Variants in CMC1 observed in about 807,000 individuals in gnomAD.
CMC1 encodes C-X9-C motif containing 1, also known as COX assembly mitochondrial protein homolog.
A neutral mutation model predicts 14.1 loss-of-function variants in CMC1; 14 were observed. That is an observed-to-expected ratio of 0.99 (90% CI 0.66 to 1.55). CMC1 has a LOEUF of 1.55. Among genes scored for constraint, CMC1 ranks in the 40% most tolerant of loss-of-function variants. CMC1 has a pLI of 0.00. For missense variants in CMC1, 127 were observed against 123.8 expected (o/e 1.03, Z -0.12); for synonymous variants, 50 against 38.4 (o/e 1.30, Z -1.12).
intron 2 of CMC1, among the ~76,000 whole-genome samples, chr3:28,302,402 T>A (rs1453731758): frequency 1.3e-5 from 2 of 152,120 alleles, no homozygotes; most frequent in Admixed American, 1.3e-4. Flanking sequence ...CATTGGAGAC[T>A]ATGTGGGACA....
chr3:28,297,947 C>CA (rs1484358395), intron 2 of CMC1, among the ~76,000 whole-genome samples: 2 of 151,672 alleles, frequency 1.3e-5, no homozygotes, highest in Non-Finnish European at 2.9e-5. Context: ...CATTTATATG[C>CA]AAAAACATAT....
chr3:28,294,248 C>G (rs1453446658), intron 2 of CMC1, among the ~76,000 whole-genome samples: 1 of 151,960 alleles, frequency 6.6e-6, no homozygotes, highest in Non-Finnish European at 1.5e-5. Flanking sequence ...GTCAGGAGAA[C>G]CTTACTCAGT....
At chr3:28,241,888 C>T in intron 1 of CMC1, 76 bp downstream of exon 1, 1 of 1,216,562 alleles carries the variant, frequency 8.2e-7, no homozygotes, top group Non-Finnish European at 1.0e-6. Flanking sequence ...GGGCTGGATG[C>T]CGACCTGGGA....
intron 2 of CMC1, among the ~76,000 whole-genome samples, chr3:28,293,370 G>T (rs1203812703): frequency 2.6e-5 from 4 of 151,830 alleles, no homozygotes; most frequent in Non-Finnish European, 4.4e-5. Flanking sequence ...GGGAACTTTG[G>T]CAGAACTTGG....
chr3:28,313,080 C>T (rs1470695343), intron 2 of CMC1, among the ~76,000 whole-genome samples: 2 of 152,046 alleles, frequency 1.3e-5, no homozygotes, highest in Non-Finnish European at 2.9e-5. Context: ...TGGACTCAAA[C>T]TCCTGGCCTC....
intron 2 of CMC1, among the ~76,000 whole-genome samples, chr3:28,271,694 T>C (rs1700301520): frequency 6.6e-6 from 1 of 152,212 alleles, no homozygotes; most frequent in African/African-American, 2.4e-5. Flanking sequence ...TTTTTTCTGG[T>C]TCCATATGGA....
chr3:28,251,790 A>G (rs548852925), intron 1 of CMC1, among the ~76,000 whole-genome samples: 1 of 152,292 alleles, frequency 6.6e-6, no homozygotes, highest in Admixed American at 6.5e-5. Flanking sequence ...CATTCATAGG[A>G]TTGAGAATAT....
rs1360654878 is a variant in CMC1 at position 28,320,333 on chromosome 3, C to T, written c.*704C>T. 2.6e-5 allele frequency: 4 copies of T among 151,448 alleles called. No individual in the cohort carries two copies. The highest frequency in any genetic ancestry group is 5.9e-5 in the Non-Finnish European group (4 of 67,652). The allele number at this position is 151,448 out of a possible 1,614,324, so 9.4% of individuals were successfully genotyped here. ...AGTTCTGGAGTTTATTTGCCAGCAG[C>T]TTCTGGCAAGGGTTTTCATACTGCA... On this transcript the variant is annotated 3_prime_UTR_variant, in exon 4 of 4. Coordinates refer to ENST00000466830, the MANE Select transcript of CMC1 (RefSeq NM_182523.2).
At position 28,316,348 on chromosome 3, in the gene CMC1, G is replaced by A. The variant is rs748732093; in HGVS notation, c.125G>A (p.Cys42Tyr). The A allele has an allele frequency of 4.1e-5, 64 of 1,565,082 alleles. No individual in the cohort carries two copies. The highest frequency in any genetic ancestry group is 5.5e-5 in the Non-Finnish European group (64 of 1,155,958). ...TTTATTTCAGATTTTACCAAATGTTGCAAGAACTCTGGAGTTCTTATGGTA... is the reference window on the plus strand; with the variant it reads ...TTTATTTCAGATTTTACCAAATGTTACAAGAACTCTGGAGTTCTTATGGTA... ...SEQVQDFTKC[C>Y]KNSGVLMVVK... Residue 42 changes from cysteine to tyrosine, a missense_variant, in exon 3 of 4, where the codon TGC becomes TAC. Cys to Tyr is a radical substitution (Grantham distance 194). Coordinates refer to ENST00000466830, the MANE Select transcript of CMC1 (RefSeq NM_182523.2).
chr3:28,305,534 A>C (rs534016833), intron 2 of CMC1, among the ~76,000 whole-genome samples: 1 of 152,058 alleles, frequency 6.6e-6, no homozygotes, highest in African/African-American at 2.4e-5. Context: ...TTCTGTTTAT[A>C]AGCATTCCCT....
intron 2 of CMC1, among the ~76,000 whole-genome samples, chr3:28,294,848 G>A (rs1242102626): frequency 1.3e-5 from 2 of 152,070 alleles, no homozygotes; most frequent in Non-Finnish European, 2.9e-5. Context: ...ACATCAGACA[G>A]GATTCGGGTT....
At chr3:28,281,641 GA>G (rs1700898542) in intron 2 of CMC1, among the ~76,000 whole-genome samples, 1 of 152,134 alleles carries the variant, frequency 6.6e-6, no homozygotes. Context: ...TGGTTGATAA[GA>G]GACAAACCAG....
chr3:28,250,086 A>G (rs940320898), intron 1 of CMC1, among the ~76,000 whole-genome samples: 2 of 152,214 alleles, frequency 1.3e-5, no homozygotes, highest in Non-Finnish European at 2.9e-5. Context: ...ACCTCCCAAA[A>G]GCACTGTCTC....
chr3:28,297,059 A>G (rs1171363216), intron 2 of CMC1: 1 of 151,710 alleles, frequency 6.6e-6, no homozygotes, highest in African/African-American at 2.4e-5. Context: ...TGTTTTATTT[A>G]TTTGTTTCTT....
rs527725976 is a variant in CMC1, at chr3:28,256,576, T to C, written c.20-6715T>C. Reference sequence around the variant, plus strand: ...ATCACAGGTGGTTTTTAACAAACTTTCAAGGAACTGAGAATAATCTTTGTT... The same window carrying C: ...ATCACAGGTGGTTTTTAACAAACTTCCAAGGAACTGAGAATAATCTTTGTT... On this transcript the variant is annotated intron_variant, in intron 1 of 3. Transcript: ENST00000466830. Among the ~76,000 whole-genome samples the C allele has an allele frequency of 1.2e-3, 179 of 152,284 alleles. 2 individuals carry two copies. The highest frequency in any genetic ancestry group is 4.0e-3 in the African/African-American group (165 of 41,572).
chr3:28,250,958 A>G (rs1445338192), intron 1 of CMC1, among the ~76,000 whole-genome samples: 1 of 152,196 alleles, frequency 6.6e-6, no homozygotes, highest in Non-Finnish European at 1.5e-5. Context: ...CATTTTGGCA[A>G]ATCTTTGTTC....
At chr3:28,289,875 C>G (rs1236693224) in intron 2 of CMC1, among the ~76,000 whole-genome samples, 1 of 152,078 alleles carries the variant, frequency 6.6e-6, no homozygotes, top group Non-Finnish European at 1.5e-5. Flanking sequence ...ACAGACATCT[C>G]TCTGGGAACA....
chr3:28,262,651 T>C (rs1699790426), intron 1 of CMC1, among the ~76,000 whole-genome samples: 1 of 152,158 alleles, frequency 6.6e-6, no homozygotes, highest in South Asian at 2.1e-4. Flanking sequence ...TTTCAGAGAT[T>C]CCTCATCTTT....
At chr3:28,319,338 C>T in intron 3 of CMC1, 171 bp from the exon 4 acceptor site, 1 of 680,072 alleles carries the variant, frequency 1.5e-6, no homozygotes, top group Non-Finnish European at 2.7e-6. Flanking sequence ...ATGATTTGGT[C>T]TTTAGTTTGG....
Sources: allele counts gnomAD v4.1 joint callset (sites outside exome capture counted in the v4.1 genomes callset), GRCh38; gene constraint gnomAD v4.1.1; transcripts MANE v1.5; gene names NCBI Gene and HGNC (gene_info 2026-07-23, HGNC 2026-07-21).